The following SETBP1 variants were observed in gnomAD, a reference collection of about 807,000 sequenced individuals.
SETBP1 encodes SET-binding protein.
In SETBP1, 9 loss-of-function variants were observed where a neutral mutation model predicts 101.0. The observed-to-expected ratio is 0.09, with a 90% CI of 0.05 to 0.16. The LOEUF (loss-of-function observed/expected upper bound fraction) is 0.16, where lower values mean the gene tolerates loss of function less well. Among genes scored for constraint, SETBP1 ranks in the 10% least tolerant of loss-of-function variants. The pLI is 1.00. For missense variants in SETBP1, 1,858 were observed against 2,033.8 expected (o/e 0.91, Z 1.66); for synonymous variants, 818 against 788.5 (o/e 1.04, Z -0.63).
In SETBP1 at chr18:44,890,854, G is replaced by A. The variant is rs552230811; in HGVS notation, c.540+21571G>A. On this transcript the variant is annotated intron_variant, in intron 3 of 5. Coordinates refer to ENST00000649279, the MANE Select transcript of SETBP1 (RefSeq NM_015559.3). ...TGAATTGCCCAAGCTCACAGTGTTA[G>A]TAAGTGACCAAACTGGATTGGAATT... 3.9e-5 allele frequency among the ~76,000 whole-genome samples: 6 copies of A among 152,252 alleles called. No individual in the cohort carries two copies. In the South Asian group the frequency reaches 1.2e-3, roughly 32 times the overall value.
chr18:44,862,507 C>A (rs1275375194), intron 2 of SETBP1, among the ~76,000 whole-genome samples: 1 of 152,166 alleles, frequency 6.6e-6, no homozygotes, highest in South Asian at 2.1e-4. Context: ...TCTACACTAC[C>A]CGTCCACTGC....
chr18:44,934,578 A>C (rs527530606), intron 3 of SETBP1, among the ~76,000 whole-genome samples: 1 of 152,148 alleles, frequency 6.6e-6, no homozygotes, highest in Admixed American at 6.5e-5. Flanking sequence ...AAGATTTCCC[A>C]CTGTGTAGGA....
intron 2 of SETBP1, among the ~76,000 whole-genome samples, chr18:44,855,536 T>C (rs1158946592): frequency 6.6e-6 from 1 of 152,206 alleles, no homozygotes; most frequent in African/African-American, 2.4e-5. Context: ...GACGGGCTGA[T>C]GAACACACCA....
At chr18:44,924,820 G>A (rs984247222) in intron 3 of SETBP1, among the ~76,000 whole-genome samples, 1 of 152,122 alleles carries the variant, frequency 6.6e-6, no homozygotes, top group African/African-American at 2.4e-5. Context: ...GATTAAGCTA[G>A]ATACCCCATT....
At chr18:44,683,574 G>C (rs2068792742) in intron 1 of SETBP1, among the ~76,000 whole-genome samples, 1 of 152,172 alleles carries the variant, frequency 6.6e-6, no homozygotes, top group Non-Finnish European at 1.5e-5. Context: ...TTCTCTCAAT[G>C]TGGTCATTAT....
intron 2 of SETBP1, among the ~76,000 whole-genome samples, chr18:44,863,458 G>A (rs1031713571): frequency 1.3e-5 from 2 of 152,142 alleles, no homozygotes; most frequent in Admixed American, 6.5e-5. Context: ...TGTTTGCCTC[G>A]GCTTGCTGGA....
chr18:44,990,044 C>A (rs1338510555), intron 4 of SETBP1, among the ~76,000 whole-genome samples: 1 of 151,814 alleles, frequency 6.6e-6, no homozygotes, highest in Non-Finnish European at 1.5e-5. Flanking sequence ...TAAAAACTAT[C>A]TTCAAAGTAT....
intron 3 of SETBP1, among the ~76,000 whole-genome samples, chr18:44,941,141 G>A (rs2071081403): frequency 6.8e-6 from 1 of 146,082 alleles, no homozygotes; most frequent in Non-Finnish European, 1.5e-5. Context: ...GAGTGCAGTG[G>A]CGCCATCTCA....
chr18:45,059,355 ATAG>A (rs2073856344), intron 5 of SETBP1, among the ~76,000 whole-genome samples: 1 of 152,236 alleles, frequency 6.6e-6, no homozygotes, highest in Admixed American at 6.5e-5. Context: ...ACGGAAATTA[ATAG>A]TAGTTACATA....
chr18:44,733,611 G>A (rs1009908757), intron 2 of SETBP1, among the ~76,000 whole-genome samples: 3 of 152,196 alleles, frequency 2.0e-5, no homozygotes, highest in African/African-American at 7.2e-5. Context: ...GGGTCAGGCT[G>A]TGAATAAACC....
At chr18:44,681,971 A>G (rs528753017) in intron 1 of SETBP1, among the ~76,000 whole-genome samples, 1 of 152,176 alleles carries the variant, frequency 6.6e-6, no homozygotes, top group African/African-American at 2.4e-5. Flanking sequence ...CCTCCTGCCA[A>G]CTATCCACAC....
At chr18:44,816,019 C>A (rs1466460957) in intron 2 of SETBP1, among the ~76,000 whole-genome samples, 1 of 152,096 alleles carries the variant, frequency 6.6e-6, no homozygotes, top group Non-Finnish European at 1.5e-5. Context: ...TGATTTGATT[C>A]CCCAAATCAA....
intron 2 of SETBP1, among the ~76,000 whole-genome samples, chr18:44,849,870 T>C (rs2072812416): frequency 6.6e-6 from 1 of 152,250 alleles, no homozygotes; most frequent in Admixed American, 6.5e-5. Flanking sequence ...GAACATTTAT[T>C]AAAAGTTTAT....
At position 45,064,687 on chromosome 18, in the gene SETBP1, C is replaced by G. The variant is rs2073944576; in HGVS notation, c.*989C>G. The G allele has an allele frequency of 6.6e-6, 1 of 151,718 alleles. No individual in the cohort carries two copies. The highest frequency in any genetic ancestry group is 1.5e-5 in the Non-Finnish European group (1 of 67,980). The allele number at this position is 151,718 out of a possible 1,614,324, so 9.4% of individuals were successfully genotyped here. A position where few individuals can be genotyped will look rare whatever the true frequency, so the allele number is the denominator to read the frequency against. On this transcript the variant is annotated 3_prime_UTR_variant, in exon 6 of 6. Transcript: ENST00000649279. ...AGAATAAAATGGTTTAAATACCCCACAGCAAATAGAGTAACTGACAAACCA... is the reference window on the plus strand; with the variant it reads ...AGAATAAAATGGTTTAAATACCCCAGAGCAAATAGAGTAACTGACAAACCA...
chr18:44,687,646 T>C (rs1452052268), intron 1 of SETBP1, among the ~76,000 whole-genome samples: 2 of 152,174 alleles, frequency 1.3e-5, no homozygotes, highest in Non-Finnish European at 2.9e-5. Flanking sequence ...ATAACTGACT[T>C]GAATCAAGGG....
At chr18:44,755,810 C>T (rs72907650) in intron 2 of SETBP1, among the ~76,000 whole-genome samples, 2,517 of 152,260 alleles carry the variant, frequency 0.017, 30 homozygotes, top group Non-Finnish European at 0.023. Context: ...TGTCCTGTCT[C>T]TCTGGAAGAT....
intron 4 of SETBP1, among the ~76,000 whole-genome samples, chr18:45,033,149 A>G (rs2145473661): frequency 6.6e-6 from 1 of 152,374 alleles, no homozygotes; most frequent in East Asian, 1.9e-4. Context: ...AATAATCTGA[A>G]TAGACAACCA....
chr18:44,971,551 T>G (rs2071859669), intron 4 of SETBP1, among the ~76,000 whole-genome samples: 1 of 152,236 alleles, frequency 6.6e-6, no homozygotes, highest in African/African-American at 2.4e-5. Context: ...TTTCCTGACT[T>G]TTTAATGATC....
intron 2 of SETBP1, among the ~76,000 whole-genome samples, chr18:44,763,370 C>T (rs1004800563): frequency 5.3e-5 from 8 of 152,112 alleles, no homozygotes; most frequent in Non-Finnish European, 8.8e-5. Context: ...ATTCGTGTCC[C>T]GGTGTCTTCA....
Sources: gnomAD v4.1 joint callset for allele counts (sites outside exome capture counted in the v4.1 genomes callset) on GRCh38, gnomAD v4.1.1 for gene constraint, MANE v1.5 for transcripts, NCBI Gene and HGNC (gene_info 2026-07-23, HGNC 2026-07-21) for gene names.